The following PTPRD variants were observed in gnomAD, a reference collection of about 807,000 sequenced individuals.
PTPRD encodes protein tyrosine phosphatase receptor type D.
PTPRD carries 34 observed loss-of-function variants against 214.5 expected under a neutral mutation model. The observed-to-expected ratio is 0.16, with a 90% CI of 0.12 to 0.21. The LOEUF (loss-of-function observed/expected upper bound fraction) is 0.21. Ranked by LOEUF, PTPRD falls within the 10% of genes least tolerant of loss-of-function variation. The pLI is 1.00. For missense variants in PTPRD, 2,545 were observed against 2,398.7 expected (o/e 1.06, Z -1.27); for synonymous variants, 1,128 against 845.7 (o/e 1.33, Z -5.79).
chr9:10,155,465 C>G (rs2099087116), intron 3 of PTPRD, among the ~76,000 whole-genome samples: 1 of 152,046 alleles, frequency 6.6e-6, no homozygotes, highest in Admixed American at 6.6e-5. Context: ...TTTGTTCTCG[C>G]CAGGACTTCC....
chr9:9,407,468 A>T lies in PTPRD; in HGVS notation c.-236-9986T>A, dbSNP rs556826985. 5.9e-5 allele frequency among the ~76,000 whole-genome samples: 9 copies of T among 151,960 alleles called. 1 individual carries two copies. The East Asian group carries it at 1.7e-3, about 29-fold the overall frequency. On this transcript the variant is annotated intron_variant, in intron 8 of 45. Transcript: ENST00000381196. The stretch of plus-strand genomic sequence containing the variant: ...ATAAACAGATAGGGTATCTACATTG[A>T]GTATACCAGATTTATCAAAATAAAA...
intron 11 of PTPRD, among the ~76,000 whole-genome samples, chr9:8,805,767 G>A (rs930877492): frequency 4.0e-5 from 6 of 151,260 alleles, no homozygotes; most frequent in East Asian, 2.0e-4. Flanking sequence ...GCACTGAGGC[G>A]GACGGATCAT....
rs772220822 is a variant in PTPRD, at chr9:8,793,903, A to G, written c.-103-59957T>C. On this transcript the variant is annotated intron_variant, in intron 11 of 45. Transcript: ENST00000381196. The stretch of plus-strand genomic sequence containing the variant: ...ATCAGTCTCAAAACTGAAGGCTATC[A>G]GAGGAAGAGGTCTGGCTGGATTAAC... Among the ~76,000 whole-genome samples, 19 of 152,362 alleles carry G rather than the reference A, an allele frequency of 1.2e-4. No individual in the cohort carries two copies. In the South Asian group the frequency reaches 1.7e-3, roughly 13 times the overall value.
At chr9:9,479,663 A>G (rs1483957913) in intron 8 of PTPRD, among the ~76,000 whole-genome samples, 3 of 152,144 alleles carry the variant, frequency 2.0e-5, no homozygotes, top group Non-Finnish European at 2.9e-5. Context: ...TTGATTGATA[A>G]TAAATGATGG....
chr9:10,597,910 C>A (rs1006683741), intron 2 of PTPRD, among the ~76,000 whole-genome samples: 1 of 151,730 alleles, frequency 6.6e-6, no homozygotes, highest in Non-Finnish European at 1.5e-5. Flanking sequence ...AAGCTTTCAT[C>A]GCATTTTGAT....
chr9:9,312,894 A>C (rs185886857), intron 9 of PTPRD, among the ~76,000 whole-genome samples: 1 of 152,342 alleles, frequency 6.6e-6, no homozygotes, highest in Admixed American at 6.5e-5. Context: ...TGTTAGTCGC[A>C]GGACATCCTC....
At chr9:8,724,320 T>C (rs1053232892) in intron 12 of PTPRD, among the ~76,000 whole-genome samples, 1 of 152,196 alleles carries the variant, frequency 6.6e-6, no homozygotes, top group Non-Finnish European at 1.5e-5. Context: ...TGGTTCAGTT[T>C]TAGAATAATG....
intron 2 of PTPRD, among the ~76,000 whole-genome samples, chr9:10,593,909 T>C (rs2076068308): frequency 6.6e-6 from 1 of 152,014 alleles, no homozygotes; most frequent in African/African-American, 2.4e-5. Context: ...GCTTTCTCTT[T>C]TCATACAAAG....
intron 11 of PTPRD, among the ~76,000 whole-genome samples, chr9:8,933,534 G>C (rs889915924): frequency 6.6e-6 from 1 of 151,832 alleles, no homozygotes; most frequent in Non-Finnish European, 1.5e-5. Context: ...AGAATGACTT[G>C]AATCAGTTTT....
At chr9:10,069,160 T>C (rs1462427475) in intron 3 of PTPRD, among the ~76,000 whole-genome samples, 2 of 151,982 alleles carry the variant, frequency 1.3e-5, no homozygotes, top group African/African-American at 2.4e-5. Flanking sequence ...GCAGCTTCCA[T>C]CTATCTGACA....
intron 10 of PTPRD, among the ~76,000 whole-genome samples, chr9:9,168,650 G>T (rs1380664631): frequency 6.6e-6 from 1 of 151,870 alleles, no homozygotes; most frequent in African/African-American, 2.4e-5. Context: ...ATCTTGTTTT[G>T]AGACACCACC....
chr9:8,591,454 A>C (rs1262269732), intron 14 of PTPRD, among the ~76,000 whole-genome samples: 1 of 152,122 alleles, frequency 6.6e-6, no homozygotes, highest in Non-Finnish European at 1.5e-5. Context: ...ACTGACTTCT[A>C]TACACTGATC....
chr9:9,390,416 A>T (rs887048626), intron 9 of PTPRD, among the ~76,000 whole-genome samples: 1 of 152,164 alleles, frequency 6.6e-6, no homozygotes, highest in African/African-American at 2.4e-5. Flanking sequence ...GGCTCCATGA[A>T]ATACTCGTCC....
At chr9:9,249,776 G>C (rs1168197376) in intron 9 of PTPRD, among the ~76,000 whole-genome samples, 2 of 152,056 alleles carry the variant, frequency 1.3e-5, no homozygotes, top group Admixed American at 6.6e-5. Context: ...TGGCTATTTT[G>C]TTTGAAGCTG....
chr9:8,389,182 G>T (rs754826086), intron 37 of PTPRD, 50 bp downstream of exon 37: 2 of 1,496,834 alleles, frequency 1.3e-6, no homozygotes, highest in Non-Finnish European at 1.8e-6. Flanking sequence ...GCAACATAGG[G>T]ACTCTGAGGG....
chr9:8,702,299 T>C (rs1225025781), intron 12 of PTPRD, among the ~76,000 whole-genome samples: 1 of 152,190 alleles, frequency 6.6e-6, no homozygotes, highest in East Asian at 1.9e-4. Context: ...TTCTGGGCTT[T>C]TACTTGAAAT....
chr9:9,022,157 G>C (rs1315815089), intron 10 of PTPRD, among the ~76,000 whole-genome samples: 2 of 140,376 alleles, frequency 1.4e-5, no homozygotes, highest in East Asian at 2.0e-4. Flanking sequence ...AAAAATAAAA[G>C]ATGTAAAAAA....
At chr9:9,670,951 G>T (rs906173262) in intron 7 of PTPRD, among the ~76,000 whole-genome samples, 1 of 152,176 alleles carries the variant, frequency 6.6e-6, no homozygotes, top group African/African-American at 2.4e-5. Flanking sequence ...ACTCGTAGTG[G>T]AGTAGTAAGA....
intron 3 of PTPRD, among the ~76,000 whole-genome samples, chr9:10,112,101 A>G (rs1296119008): frequency 1.3e-5 from 2 of 152,224 alleles, no homozygotes; most frequent in Non-Finnish European, 2.9e-5. Context: ...GGGAAGAAGC[A>G]TGCCAGATTT....
Sources: allele counts gnomAD v4.1 joint callset (sites outside exome capture counted in the v4.1 genomes callset), GRCh38; gene constraint gnomAD v4.1.1; transcripts MANE v1.5; gene names NCBI Gene and HGNC (gene_info 2026-07-23, HGNC 2026-07-21).